KLHL32: variants seen among roughly 807,000 people sequenced by gnomAD.
The protein encoded by KLHL32 is kelch like family member 32.
In KLHL32, 35 loss-of-function variants were observed where a neutral mutation model predicts 64.8. The ratio of observed to expected loss-of-function variants is 0.54; its 90% CI spans 0.41 to 0.72. The LOEUF (loss-of-function observed/expected upper bound fraction) is 0.72. Among genes scored for constraint, KLHL32 ranks in the 30% least tolerant of loss-of-function variants. The pLI, the probability that KLHL32 is intolerant of heterozygous loss-of-function variation, is 0.00. For synonymous variants in KLHL32, 259 were observed against 281.0 expected, an observed-to-expected ratio of 0.92 and a Z score of 0.78; for missense variants, 589 against 768.5, an observed-to-expected ratio of 0.77 and a Z score of 2.76.
chr6:96,962,964 T>C (rs1048471785), intron 1 of KLHL32, among the ~76,000 whole-genome samples: 3 of 152,232 alleles, frequency 2.0e-5, no homozygotes, highest in African/African-American at 7.2e-5. Flanking sequence ...GGGTCATTAC[T>C]CACTTTGAGA....
chr6:96,997,059 G>T (rs1778490484), intron 3 of KLHL32, among the ~76,000 whole-genome samples: 1 of 152,100 alleles, frequency 6.6e-6, no homozygotes, highest in Non-Finnish European at 1.5e-5. Context: ...GTGGTTGAGG[G>T]TCAGGGAGCA....
upstream of KLHL32, among the ~76,000 whole-genome samples, chr6:96,920,497 A>AT (rs1768718028): frequency 6.6e-6 from 1 of 152,060 alleles, no homozygotes; most frequent in Non-Finnish European, 1.5e-5. Flanking sequence ...CTTGATGTGT[A>AT]TGGCACTGAA....
chr6:97,013,834 T>C (rs568206889), intron 3 of KLHL32, among the ~76,000 whole-genome samples: 1 of 152,284 alleles, frequency 6.6e-6, no homozygotes, highest in Admixed American at 6.5e-5. Context: ...TGTGACTTAT[T>C]ATATTGGGTT....
chr6:96,916,530 T>C, the KLHL32 span, among the ~76,000 whole-genome samples: 1 of 152,228 alleles, frequency 6.6e-6, no homozygotes, highest in Non-Finnish European at 1.5e-5. Flanking sequence ...TATTTTCCTT[T>C]GCCTTGTCAC....
At chr6:96,984,701 C>CT (rs57186745) in intron 3 of KLHL32, among the ~76,000 whole-genome samples, 1 of 151,976 alleles carries the variant, frequency 6.6e-6, no homozygotes, top group African/African-American at 2.4e-5. Flanking sequence ...CAACCCCTGC[C>CT]TTTTTTTGTT....
At chr6:96,907,319 A>G in the KLHL32 span, among the ~76,000 whole-genome samples, 1 of 152,168 alleles carries the variant, frequency 6.6e-6, no homozygotes, top group Non-Finnish European at 1.5e-5. Flanking sequence ...CTCACTAGTC[A>G]TTATTTTTAA....
intron 6 of KLHL32, among the ~76,000 whole-genome samples, chr6:97,100,966 CTTTTTTT>C (rs58422496): frequency 2.9e-5 from 2 of 69,472 alleles, no homozygotes; most frequent in African/African-American, 7.1e-5. Flanking sequence ...TGCAGCCAAG[CTTTTTTT>C]TTTTTTTTTT....
intron 5 of KLHL32, among the ~76,000 whole-genome samples, chr6:97,069,285 A>T (rs929694465): frequency 5.9e-5 from 9 of 152,060 alleles, no homozygotes; most frequent in African/African-American, 2.2e-4. Flanking sequence ...TAAATTTTAC[A>T]CTAAGTGGGC....
chr6:96,927,622 A>C (rs959521122), intron 1 of KLHL32, among the ~76,000 whole-genome samples: 9 of 152,192 alleles, frequency 5.9e-5, no homozygotes, highest in Non-Finnish European at 1.2e-4. Flanking sequence ...AGGTGTAGTT[A>C]AAAGGAAAAG....
chr6:96,917,202 A>G, the KLHL32 span, among the ~76,000 whole-genome samples: 1 of 152,248 alleles, frequency 6.6e-6, no homozygotes, highest in Non-Finnish European at 1.5e-5. Context: ...ACAAAATTAA[A>G]TGCTGGGAAG....
At chr6:97,069,197 G>A (rs973107581) in intron 5 of KLHL32, among the ~76,000 whole-genome samples, 1 of 152,102 alleles carries the variant, frequency 6.6e-6, no homozygotes, top group East Asian at 1.9e-4. Flanking sequence ...GAACATAAAG[G>A]GAACAGGAGG....
chr6:97,056,383 A>G (rs1766481), intron 4 of KLHL32, among the ~76,000 whole-genome samples: 41,093 of 151,724 alleles, frequency 0.27, 6,610 homozygotes, highest in African/African-American at 0.44. Context: ...GGGATTACAA[A>G]CGTGAGCCAC....
At chr6:96,959,863 G>A (rs1773693014) in intron 1 of KLHL32, among the ~76,000 whole-genome samples, 1 of 152,126 alleles carries the variant, frequency 6.6e-6, no homozygotes, top group Admixed American at 6.5e-5. Flanking sequence ...ACCTTACATA[G>A]TCTGTGTGCA....
chr6:97,055,284 C>T (rs924585766), intron 4 of KLHL32, among the ~76,000 whole-genome samples: 1 of 152,182 alleles, frequency 6.6e-6, no homozygotes, highest in African/African-American at 2.4e-5. Context: ...TCTTCATCAT[C>T]TTACCATCAA....
chr6:97,071,499 G>T (rs1209089974), intron 5 of KLHL32, among the ~76,000 whole-genome samples: 1 of 152,028 alleles, frequency 6.6e-6, no homozygotes, highest in Non-Finnish European at 1.5e-5. Context: ...TCTCTTTCAT[G>T]CATCTGGGGA....
At chr6:96,926,485 C>T (rs1201393857) in intron 1 of KLHL32, among the ~76,000 whole-genome samples, 1 of 152,170 alleles carries the variant, frequency 6.6e-6, no homozygotes, top group Non-Finnish European at 1.5e-5. Context: ...CAATAAATTA[C>T]CTTCCATTTA....
At chr6:97,050,487 T>C (rs1391192349) in intron 4 of KLHL32, among the ~76,000 whole-genome samples, 1 of 152,136 alleles carries the variant, frequency 6.6e-6, no homozygotes, top group Non-Finnish European at 1.5e-5. Flanking sequence ...CAGGTAGGGC[T>C]TGTGTATTTT....
intron 1 of KLHL32, among the ~76,000 whole-genome samples, chr6:96,965,259 G>A (rs1215704878): frequency 6.6e-6 from 1 of 152,104 alleles, no homozygotes; most frequent in Non-Finnish European, 1.5e-5. Context: ...CCACTGGTGG[G>A]CACCTAGTTA....
chr6:96,932,921 G>A (rs1274606845), intron 1 of KLHL32, among the ~76,000 whole-genome samples: 3 of 152,054 alleles, frequency 2.0e-5, no homozygotes, highest in Non-Finnish European at 2.9e-5. Context: ...ATCAATGTTA[G>A]CCATCAGAAG....
Sources: allele counts gnomAD v4.1 joint callset (sites outside exome capture counted in the v4.1 genomes callset), GRCh38; gene constraint gnomAD v4.1.1; transcripts MANE v1.5; gene names NCBI Gene and HGNC (gene_info 2026-07-23, HGNC 2026-07-21).